Variants in CYB561D2 observed in about 807,000 individuals in gnomAD.
CYB561D2 encodes the protein cytochrome b561 family member D2.
In CYB561D2, 16 loss-of-function variants were observed where a neutral mutation model predicts 20.2. The observed-to-expected ratio is 0.79, with a 90% confidence interval of 0.53 to 1.20. The LOEUF (loss-of-function observed/expected upper bound fraction) is 1.20, where lower values mean the gene tolerates loss of function less well. CYB561D2 is among the 50% of genes most tolerant of loss of function. The pLI is 0.00. For missense variants in CYB561D2, 247 were observed against 270.3 expected (o/e 0.91, Z 0.60); for synonymous variants, 135 against 128.3 (o/e 1.05, Z -0.35).
At chr3:50,352,597 A>G (rs587633118) in intron 3 of CYB561D2, among the ~76,000 whole-genome samples, 20 of 149,522 alleles carry the variant, frequency 1.3e-4, no homozygotes, top group African/African-American at 4.9e-4. Flanking sequence ...GAGGCAGGAG[A>G]ATTGCTTGAA....
chr3:50,351,286 G>A (rs1362882792), intron 1 of CYB561D2, 123 bp from the exon 2 acceptor site: 1 of 1,098,044 alleles, frequency 9.1e-7, no homozygotes, highest in Non-Finnish European at 1.3e-6. Context: ...TGCTGGTCTT[G>A]GTACTGTTCT....
Position 50,351,120 on chromosome 3 carries a change from A to G in CYB561D2, c.-26+136A>G, listed in dbSNP as rs587700354. ...GCTCCGCGCCCTCCCAGCTGGCTCTACTGCCGGCGACGGCGTGGTACACGC... is the reference window on the plus strand; with the variant it reads ...GCTCCGCGCCCTCCCAGCTGGCTCTGCTGCCGGCGACGGCGTGGTACACGC... On this transcript the variant is annotated intron_variant, in intron 1 of 3. Transcript: ENST00000425346. 38 of 443,036 alleles carry G rather than the reference A, an allele frequency of 8.6e-5. No homozygotes were observed. The South Asian group carries it at 1.3e-3, about 15-fold the overall frequency. 27.4% of individuals were successfully genotyped at this position (443,036 alleles called of 1,614,324 possible). A position where few individuals can be genotyped will look rare whatever the true frequency, so the allele number is the denominator to read the frequency against.
intron 2 of CYB561D2, among the ~76,000 whole-genome samples, 184 bp downstream of exon 2, chr3:50,351,744 T>C (rs1453973755): frequency 6.6e-6 from 1 of 152,198 alleles, no homozygotes; most frequent in Non-Finnish European, 1.5e-5. Context: ...TTTCCTTCTC[T>C]GGGTGCTCCA....
At position 50,353,655 on chromosome 3, in the gene CYB561D2, C is replaced by G. The variant is rs1703823149; in HGVS notation, c.580C>G (p.Leu194Val). ...CTCTGTCACTGGTGCAGCCTGGTAC[C>G]TGGCTGTATTATGCCCTGTCCTCAC... ...TASVTGAAWY[L>V]AVLCPVLTSL... is the part of the protein sequence containing the mutation. The change falls in exon 4 of 4, where the codon CTG becomes GTG. Residue 194 changes from leucine (L) to valine (V), a missense_variant. Leu to Val is a conservative substitution (Grantham distance 32). Coordinates refer to ENST00000425346, the MANE Select transcript of CYB561D2 (RefSeq NM_001291284.2). 6.2e-7 allele frequency: 1 copy of G among 1,613,596 alleles called. No individual in the cohort carries two copies. The highest frequency in any genetic ancestry group is 1.3e-5 in the African/African-American group (1 of 75,046).
intron 1 of CYB561D2, 155 bp from the exon 2 acceptor site, chr3:50,351,254 G>A: frequency 1.2e-6 from 1 of 814,146 alleles, no homozygotes; most frequent in South Asian, 2.0e-5. Context: ...GCCGTCGACT[G>A]GCATGTTGTG....
At chr3:50,352,787 C>T (rs1249004437) in intron 3 of CYB561D2, among the ~76,000 whole-genome samples, 1 of 152,048 alleles carries the variant, frequency 6.6e-6, no homozygotes, top group African/African-American at 2.4e-5. Flanking sequence ...AGGCTTCACC[C>T]ACCTCTAGGC....
chr3:50,352,032 C>T lies in CYB561D2; in HGVS notation c.151C>T (p.Leu51Phe). 6.2e-7 allele frequency: 1 copy of T among 1,613,948 alleles called. No homozygotes were observed. The highest frequency in any genetic ancestry group is 8.5e-7 in the Non-Finnish European group (1 of 1,179,946). The change falls in exon 3 of 4, where the codon CTT (leucine) becomes TTT (phenylalanine). Residue 51 changes from leucine to phenylalanine, a missense_variant. Transcript: ENST00000425346. The part of the protein sequence containing the change: ...GSSLFSWHPV[L>F]MSLAFSFLMT... ...AGGCCTGTTCTCCTGGCACCCGGTG[C>T]TTATGTCTTTGGCTGTAAGTAGTGG...
At chr3:50,351,236 G>A (rs587745903) in intron 1 of CYB561D2, 173 bp from the exon 2 acceptor site, 4 of 700,764 alleles carry the variant, frequency 5.7e-6, no homozygotes, top group African/African-American at 5.5e-5. Flanking sequence ...CACGTTGACA[G>A]GCCGCCGGCC....
chr3:50,352,510 CA>C (rs1276866428), intron 3 of CYB561D2, among the ~76,000 whole-genome samples: 2 of 137,896 alleles, frequency 1.5e-5, no homozygotes, highest in East Asian at 2.1e-4. Context: ...AACCCAAAAA[CA>C]AAAAAACCCC....
At chr3:50,351,034 G>A in intron 1 of CYB561D2, 50 bp downstream of exon 1, 1 of 594,270 alleles carries the variant, frequency 1.7e-6, no homozygotes, top group Non-Finnish European at 2.5e-6. Context: ...TTGGGGAGGC[G>A]GTGCGCTAAG....
chr3:50,351,286 G>GCC, intron 1 of CYB561D2, 123 bp from the exon 2 acceptor site: 1 of 1,098,044 alleles, frequency 9.1e-7, no homozygotes, highest in South Asian at 1.6e-5. Context: ...TGCTGGTCTT[G>GCC]GTACTGTTCT....
intron 2 of CYB561D2, 119 bp downstream of exon 2, chr3:50,351,679 T>A: frequency 7.1e-7 from 1 of 1,403,562 alleles, no homozygotes; most frequent in East Asian, 2.3e-5. Flanking sequence ...GCTGGAGCGA[T>A]GAGTGAGGTG....
At chr3:50,353,109 T>G (rs1703809891) in intron 3 of CYB561D2, 132 bp from the exon 4 acceptor site, 1 of 1,327,722 alleles carries the variant, frequency 7.5e-7, no homozygotes, top group Admixed American at 2.4e-5. Flanking sequence ...AAATGGATAG[T>G]CTTGTCAGTG....
At chr3:50,352,609 C>T (rs1703795936) in intron 3 of CYB561D2, among the ~76,000 whole-genome samples, 1 of 149,468 alleles carries the variant, frequency 6.7e-6, no homozygotes, top group South Asian at 2.1e-4. Context: ...TTGCTTGAAC[C>T]CGGAAGGCGG....
intron 3 of CYB561D2, 66 bp downstream of exon 3, chr3:50,352,112 C>T (rs587706761): frequency 6.4e-7 from 1 of 1,561,286 alleles, no homozygotes; most frequent in African/African-American, 1.4e-5. Context: ...CCCTGGCAGC[C>T]TCTGAATCTT....
chr3:50,352,980 CTG>C (rs1401641108), intron 3 of CYB561D2, among the ~76,000 whole-genome samples: 1 of 152,198 alleles, frequency 6.6e-6, no homozygotes, highest in Admixed American at 6.5e-5. Context: ...ATCTCAAACC[CTG>C]TGTTTGCTTG....
Position 50,353,799 on chromosome 3 carries a change from C to T in CYB561D2, c.*55C>T. ...TTGCCCCTCCATGTAGGAGCTGGGC[C>T]TAGGGACCTGTTGAACTCTCTCAGC... On this transcript the variant is annotated 3_prime_UTR_variant, in exon 4 of 4. Coordinates refer to ENST00000425346, the MANE Select transcript of CYB561D2 (RefSeq NM_001291284.2). 6.5e-7 allele frequency: 1 copy of T among 1,534,954 alleles called. No individual in the cohort carries two copies. The highest frequency in any genetic ancestry group is 1.8e-5 in the Admixed American group (1 of 55,048).
chr3:50,351,401 G>A lies in CYB561D2; in HGVS notation c.-25-8G>A. 2 of 1,608,532 alleles carry A rather than the reference G, an allele frequency of 1.2e-6. No individual in the cohort carries two copies. The highest frequency in any genetic ancestry group is 1.1e-5 in the South Asian group (1 of 90,826). Reference sequence around the variant, plus strand: ...CTGAGATCCTGGCCCACGCTACTATGCTTTCAGGCTACAACCACTAGCACG... The same window carrying A: ...CTGAGATCCTGGCCCACGCTACTATACTTTCAGGCTACAACCACTAGCACG... On this transcript the variant is annotated splice_region_variant and splice_polypyrimidine_tract_variant and intron_variant, in intron 1 of 3. Coordinates refer to ENST00000425346, the MANE Select transcript of CYB561D2 (RefSeq NM_001291284.2).
Position 50,353,190 on chromosome 3 carries a change from C to T in CYB561D2, c.166-51C>T, listed in dbSNP as rs1259167338. ...AAGGGTTACATAAAGCCCTCTTCTC[C>T]TCTTCTGGGGCAGCACCCTCACTTG... On this transcript the variant is annotated intron_variant, in intron 3 of 3. Transcript: ENST00000425346. The T allele has an allele frequency of 1.1e-5, 16 of 1,516,808 alleles. No individual in the cohort carries two copies. The East Asian group carries it at 3.4e-4, about 32-fold the overall frequency. The allele number at this position is 1,516,808 out of a possible 1,614,324, so 94.0% of individuals were successfully genotyped here. A position where few individuals can be genotyped will look rare whatever the true frequency, so the allele number is the denominator to read the frequency against.
Sources: allele counts gnomAD v4.1 joint callset (sites outside exome capture counted in the v4.1 genomes callset), GRCh38; gene constraint gnomAD v4.1.1; transcripts MANE v1.5; gene names NCBI Gene and HGNC (gene_info 2026-07-23, HGNC 2026-07-21).